FAR1: variants seen among roughly 807,000 people sequenced by gnomAD.
The protein encoded by FAR1 is male sterility domain-containing protein 2.
In FAR1, 22 loss-of-function variants were observed where a neutral mutation model predicts 61.1. The ratio of observed to expected loss-of-function variants is 0.36; its 90% confidence interval spans 0.26 to 0.51. The LOEUF is 0.51. Ranked by LOEUF, FAR1 falls within the 20% of genes least tolerant of loss-of-function variation. The pLI is 0.95. For missense variants in FAR1, 359 were observed against 626.9 expected, an observed-to-expected ratio of 0.57 and a Z score of 4.56; for synonymous variants, 206 against 209.7, an observed-to-expected ratio of 0.98 and a Z score of 0.15.
rs779540380 is a variant in FAR1, at chr11:13,730,216, C to T, written c.*1442C>T. 1.6e-4 allele frequency: 24 copies of T among 148,618 alleles called. No homozygotes were observed. The highest frequency in any genetic ancestry group is 6.7e-4 in the Admixed American group (10 of 14,818). 9.2% of individuals were successfully genotyped at this position (148,618 alleles called of 1,614,324 possible). A position where few individuals can be genotyped will look rare whatever the true frequency, so the allele number is the denominator to read the frequency against. On this transcript the variant is annotated 3_prime_UTR_variant, in exon 12 of 12. Coordinates refer to ENST00000354817, the MANE Select transcript of FAR1 (RefSeq NM_032228.6). ...TCGCAATACAAAAAGTTACATGGAGCTTTACATCTTAACTTTCTTTGTCAA... is the reference window on the plus strand; with the variant it reads ...TCGCAATACAAAAAGTTACATGGAGTTTTACATCTTAACTTTCTTTGTCAA...
intron 1 of FAR1, among the ~76,000 whole-genome samples, chr11:13,680,888 A>G (rs757662569): frequency 6.6e-6 from 1 of 152,216 alleles, no homozygotes; most frequent in Non-Finnish European, 1.5e-5. Flanking sequence ...GCAGTTACCA[A>G]AATATAGTAG....
chr11:13,695,580 C>T (rs1343227734), intron 2 of FAR1, among the ~76,000 whole-genome samples: 4 of 152,190 alleles, frequency 2.6e-5, no homozygotes, highest in African/African-American at 9.6e-5. Context: ...TAAGTTGAAT[C>T]GGAAGGCTAT....
intron 1 of FAR1, chr11:13,686,441 T>C (rs914324533): frequency 1.1e-4 from 17 of 152,238 alleles, no homozygotes; most frequent in Non-Finnish European, 1.3e-4. Flanking sequence ...TTAAAAGTTT[T>C]AATTAATTTG....
chr11:13,674,073 A>G (rs531406076), intron 1 of FAR1, among the ~76,000 whole-genome samples: 189 of 152,272 alleles, frequency 1.2e-3, no homozygotes, highest in Middle Eastern at 3.4e-3. Context: ...GCACTTTGGG[A>G]GGCCGAGGTG....
At chr11:13,689,665 GCTAGGTC>G (rs1201626547) in intron 1 of FAR1, among the ~76,000 whole-genome samples, 1 of 152,044 alleles carries the variant, frequency 6.6e-6, no homozygotes, top group East Asian at 1.9e-4. Context: ...GAGTGGAATT[GCTAGGTC>G]CTATGATATG....
chr11:13,713,175 T>C, intron 8 of FAR1, 142 bp downstream of exon 8: 4 of 733,434 alleles, frequency 5.5e-6, no homozygotes, highest in South Asian at 1.5e-5. Flanking sequence ...AGAAGTATTA[T>C]CTACCAATAC....
intron 10 of FAR1, among the ~76,000 whole-genome samples, chr11:13,724,390 A>G (rs958254175): frequency 6.6e-6 from 1 of 151,966 alleles, no homozygotes; most frequent in African/African-American, 2.4e-5. Context: ...TACAGAAAAA[A>G]AAAAGAAAAA....
chr11:13,711,849 TTC>T (rs780074169), intron 6 of FAR1, 41 bp downstream of exon 6: 1 of 1,564,174 alleles, frequency 6.4e-7, no homozygotes, highest in South Asian at 1.1e-5. Context: ...CTATACATTT[TTC>T]TGCTTTTTGT....
At chr11:13,725,443 TA>T (rs36122577) in intron 10 of FAR1, among the ~76,000 whole-genome samples, 56,694 of 137,146 alleles carry the variant, frequency 0.41, 10,847 homozygotes, top group Non-Finnish European at 0.46. Flanking sequence ...TTAAAAATAG[TA>T]AAAAAAAAAA....
At chr11:13,720,883 TAATA>T (rs1388971755) in intron 9 of FAR1, 1 of 152,144 alleles carries the variant, frequency 6.6e-6, no homozygotes, top group Admixed American at 6.5e-5. Flanking sequence ...TCCCTACTTA[TAATA>T]AATATTATTG....
intron 1 of FAR1, among the ~76,000 whole-genome samples, chr11:13,671,991 T>A (rs1848010214): frequency 6.6e-6 from 1 of 152,148 alleles, no homozygotes; most frequent in South Asian, 2.1e-4. Context: ...AAACCTGGGA[T>A]AGAGTTTTAA....
Position 13,700,309 on chromosome 11 carries a change from CT to C in FAR1, c.190-6del. ...TGCTGTAAAATAAATATTTTTCCCTCTTGATAGCTTTTTGACAGATTGAGAG... is the reference window on the plus strand; with the variant it reads ...TGCTGTAAAATAAATATTTTTCCCTCTGATAGCTTTTTGACAGATTGAGAG... On this transcript the variant is annotated splice_region_variant and splice_polypyrimidine_tract_variant and intron_variant, in intron 2 of 11. Coordinates refer to ENST00000354817, the MANE Select transcript of FAR1 (RefSeq NM_032228.6). The C allele has an allele frequency of 6.4e-7, 1 of 1,554,112 alleles. No homozygotes were observed. The highest frequency in any genetic ancestry group is 8.6e-7 in the Non-Finnish European group (1 of 1,157,460).
rs149585739 is a variant in FAR1 at position 13,694,525 on chromosome 11, G to A, written c.-7-234G>A. 6.7e-3 allele frequency among the ~76,000 whole-genome samples: 1,016 copies of A among 152,302 alleles called. 13 individuals carry two copies. Among genetic ancestry groups the A allele is most frequent in the African/African-American group, 0.023 (960 of 41,568 alleles). On this transcript the variant is annotated intron_variant, in intron 1 of 11. Coordinates refer to ENST00000354817, the MANE Select transcript of FAR1 (RefSeq NM_032228.6). Reference sequence around the variant, plus strand: ...AGAAACTCAAGTCCAGAGAACGTGAGTGACTTGTCTGAGGTGATCCAAGGG... The same window carrying A: ...AGAAACTCAAGTCCAGAGAACGTGAATGACTTGTCTGAGGTGATCCAAGGG...
intron 9 of FAR1, chr11:13,720,388 A>T (rs985007918): frequency 1.3e-5 from 2 of 152,140 alleles, no homozygotes; most frequent in Non-Finnish European, 2.9e-5. Context: ...ATAATCACCT[A>T]ATCTTTTCTA....
intron 9 of FAR1, 148 bp downstream of exon 9, chr11:13,714,828 G>C (rs1181261693): frequency 1.5e-6 from 1 of 651,284 alleles, no homozygotes; most frequent in Non-Finnish European, 2.3e-6. Context: ...TTAAGACTTT[G>C]TCAGAAAAGC....
chr11:13,691,950 T>C (rs1848254940), intron 1 of FAR1, among the ~76,000 whole-genome samples: 2 of 152,068 alleles, frequency 1.3e-5, no homozygotes, highest in Admixed American at 6.5e-5. Context: ...GGTGGATCAC[T>C]TGAGGTCAGG....
chr11:13,711,761 T>C lies in FAR1; in HGVS notation c.724-3T>C. On this transcript the variant is annotated splice_polypyrimidine_tract_variant and splice_region_variant and intron_variant, in intron 5 of 11. Transcript: ENST00000354817. Reference sequence around the variant, plus strand: ...CTCTCCCTTTTAAAATTTTTGGTATTAGGGATGGATTGATAACTTTAATGG... The same window carrying C: ...CTCTCCCTTTTAAAATTTTTGGTATCAGGGATGGATTGATAACTTTAATGG... 6.3e-7 allele frequency: 1 copy of C among 1,592,654 alleles called. No individual in the cohort carries two copies. The highest frequency in any genetic ancestry group is 8.5e-7 in the Non-Finnish European group (1 of 1,170,144).
chr11:13,717,638 C>T (rs957761759), intron 9 of FAR1, among the ~76,000 whole-genome samples: 5 of 152,098 alleles, frequency 3.3e-5, no homozygotes, highest in African/African-American at 1.2e-4. Flanking sequence ...GTTAGGGGAT[C>T]AGGGCAGGAA....
intron 10 of FAR1, among the ~76,000 whole-genome samples, chr11:13,724,904 C>T (rs1048040949): frequency 1.3e-5 from 2 of 152,068 alleles, no homozygotes; most frequent in African/African-American, 4.8e-5. Context: ...CCAGTTAAAC[C>T]TTTTTATCTT....
Sources: gnomAD v4.1 joint callset for allele counts (sites outside exome capture counted in the v4.1 genomes callset) on GRCh38, gnomAD v4.1.1 for gene constraint, MANE v1.5 for transcripts, NCBI Gene and HGNC (gene_info 2026-07-23, HGNC 2026-07-21) for gene names.